The following FKBP5 variants were observed in gnomAD, a reference collection of about 807,000 sequenced individuals.
The protein encoded by FKBP5 is peptidyl-prolyl cis-trans isomerase FKBP5.
FKBP5 carries 23 observed loss-of-function variants against 50.5 expected under a neutral mutation model. The ratio of observed to expected loss-of-function variants is 0.46; its 90% CI spans 0.33 to 0.65. FKBP5 has a LOEUF of 0.65. FKBP5 is among the 30% of genes least tolerant of loss of function. FKBP5 has a pLI of 0.02. For synonymous variants in FKBP5, 176 were observed against 190.6 expected (o/e 0.92, Z 0.63); for missense variants, 411 against 553.1 (o/e 0.74, Z 2.58).
At chr6:35,640,239 A>C (rs779560155) in intron 2 of FKBP5, among the ~76,000 whole-genome samples, 2 of 152,204 alleles carry the variant, frequency 1.3e-5, no homozygotes, top group Non-Finnish European at 2.9e-5. Context: ...ACTTGTACAC[A>C]CCCACGTTAG....
chr6:35,626,591 A>G (rs978999258), intron 3 of FKBP5, among the ~76,000 whole-genome samples: 5 of 152,222 alleles, frequency 3.3e-5, no homozygotes, highest in African/African-American at 7.2e-5. Flanking sequence ...ACCAATCTCC[A>G]GAACTTTTTC....
chr6:35,603,344 G>C (rs1336218460), intron 5 of FKBP5, among the ~76,000 whole-genome samples: 3 of 152,330 alleles, frequency 2.0e-5, no homozygotes, highest in African/African-American at 7.2e-5. Context: ...ACAGAAAGCT[G>C]TCAAAGTATG....
chr6:35,587,226 ACT>A (rs1278938383), intron 7 of FKBP5, 109 bp from the exon 8 acceptor site: 17 of 970,782 alleles, frequency 1.8e-5, no homozygotes, highest in East Asian at 2.4e-5. Context: ...AACTGAAAAC[ACT>A]CTGGCTGTTG....
chr6:35,642,641 C>A (rs1764525010), intron 2 of FKBP5, 79 bp downstream of exon 2: 1 of 1,084,132 alleles, frequency 9.2e-7, no homozygotes, highest in Admixed American at 2.0e-5. Context: ...TTATCCACCC[C>A]AGCCCCCCTC....
chr6:35,690,466 A>T (rs1301109424), upstream of FKBP5, among the ~76,000 whole-genome samples: 33 of 141,312 alleles, frequency 2.3e-4, no homozygotes, highest in African/African-American at 7.3e-4. Flanking sequence ...ACTCCATTCT[A>T]AAAAAAAAAA....
At chr6:35,615,605 A>ACAGTAGGATTC in intron 5 of FKBP5, among the ~76,000 whole-genome samples, 1 of 152,304 alleles carries the variant, frequency 6.6e-6, no homozygotes, top group East Asian at 1.9e-4. Flanking sequence ...ATAATGATAT[A>ACAGTAGGATTC]AATAAACTGA....
intron 1 of FKBP5, among the ~76,000 whole-genome samples, chr6:35,650,414 G>A (rs914509899): frequency 6.7e-6 from 1 of 149,276 alleles, no homozygotes; most frequent in Non-Finnish European, 1.5e-5. Flanking sequence ...AAAAAAAAAA[G>A]TCAGTTGATG....
At chr6:35,646,101 GC>G (rs901903833) in intron 1 of FKBP5, among the ~76,000 whole-genome samples, 4 of 152,238 alleles carry the variant, frequency 2.6e-5, no homozygotes, top group Admixed American at 6.5e-5. Flanking sequence ...GGGTGACAGA[GC>G]AAGACTCTTT....
intron 8 of FKBP5, chr6:35,586,393 T>C: frequency 1.0e-6 from 1 of 985,188 alleles, no homozygotes. Flanking sequence ...CAATCAATAC[T>C]CTCCTGTCAG....
At chr6:35,581,587 A>AAAAACAAAAC (rs59501604) in intron 8 of FKBP5, 101 of 977,118 alleles carry the variant, frequency 1.0e-4, no homozygotes, top group African/African-American at 6.7e-4. Flanking sequence ...GAGACTCCTC[A>AAAAACAAAAC]AAAACAAAAC....
chr6:35,626,297 A>G (rs1763997084), intron 3 of FKBP5, among the ~76,000 whole-genome samples: 1 of 152,218 alleles, frequency 6.6e-6, no homozygotes, highest in Non-Finnish European at 1.5e-5. Flanking sequence ...GCCCAGTATA[A>G]AAGCAATGCA....
chr6:35,726,074 C>G (rs1036407915), intron 1 of FKBP5, among the ~76,000 whole-genome samples: 2 of 152,154 alleles, frequency 1.3e-5, no homozygotes, highest in Non-Finnish European at 2.9e-5. Flanking sequence ...GTGCAGACAG[C>G]CCCAGCAGCC....
chr6:35,717,890 G>C (rs1435738039), intron 2 of FKBP5, among the ~76,000 whole-genome samples: 1 of 152,216 alleles, frequency 6.6e-6, no homozygotes, highest in Non-Finnish European at 1.5e-5. Flanking sequence ...ATGTCTTGGA[G>C]GCCCAGCAGA....
At chr6:35,582,439 G>A (rs912203758) in intron 8 of FKBP5, 9 of 424,578 alleles carry the variant, frequency 2.1e-5, no homozygotes, top group Non-Finnish European at 2.8e-5. Flanking sequence ...TGGGATTAGA[G>A]CCTTTATAAG....
intron 8 of FKBP5, chr6:35,582,137 T>A (rs1222141607): frequency 1.0e-6 from 1 of 984,830 alleles, no homozygotes; most frequent in East Asian, 1.1e-4. Flanking sequence ...CCCTCGAACA[T>A]CCTTCTTCCC....
intron 1 of FKBP5, among the ~76,000 whole-genome samples, chr6:35,676,461 G>A (rs1219926458): frequency 2.0e-5 from 3 of 152,122 alleles, no homozygotes; most frequent in East Asian, 1.9e-4. Context: ...ATAAAGGCTC[G>A]GAATGGTTAA....
intron 1 of FKBP5, among the ~76,000 whole-genome samples, chr6:35,662,479 G>T (rs1024413659): frequency 6.9e-6 from 1 of 145,926 alleles, no homozygotes; most frequent in Non-Finnish European, 1.5e-5. Flanking sequence ...AGACAAGGTC[G>T]CACTATGTTG....
At chr6:35,705,058 G>A (rs1006125932) in intron 2 of FKBP5, among the ~76,000 whole-genome samples, 4 of 150,626 alleles carry the variant, frequency 2.7e-5, no homozygotes, top group Admixed American at 1.3e-4. Flanking sequence ...AGAGAATGGC[G>A]TGAACCTGGG....
intron 1 of FKBP5, among the ~76,000 whole-genome samples, chr6:35,653,643 C>A (rs1764873100): frequency 2.6e-5 from 4 of 152,078 alleles, no homozygotes; most frequent in Admixed American, 2.6e-4. Flanking sequence ...AGATCCACCA[C>A]CTACAGTAAA....
Sources: allele counts gnomAD v4.1 joint callset (sites outside exome capture counted in the v4.1 genomes callset), GRCh38; gene constraint gnomAD v4.1.1; transcripts MANE v1.5; gene names NCBI Gene and HGNC (gene_info 2026-07-23, HGNC 2026-07-21).